Variants in PTPRD observed in about 807,000 individuals in gnomAD.
PTPRD encodes receptor-type tyrosine-protein phosphatase delta.
A neutral mutation model predicts 214.5 loss-of-function variants in PTPRD; 34 were observed. The observed-to-expected ratio is 0.16, with a 90% CI of 0.12 to 0.21. The LOEUF is 0.21. Ranked by LOEUF, PTPRD falls within the 10% of genes least tolerant of loss-of-function variation. The pLI is 1.00. For synonymous variants in PTPRD, 1,128 were observed against 845.7 expected (o/e 1.33, Z -5.79); for missense variants, 2,545 against 2,398.7 (o/e 1.06, Z -1.27).
At chr9:10,463,050 G>A (rs1465081190) in intron 2 of PTPRD, among the ~76,000 whole-genome samples, 2 of 151,116 alleles carry the variant, frequency 1.3e-5, no homozygotes, top group Non-Finnish European at 2.9e-5. Flanking sequence ...CACAAATGAT[G>A]TTTTTCTGTT....
At chr9:9,076,325 C>T (rs1203890516) in intron 10 of PTPRD, among the ~76,000 whole-genome samples, 3 of 152,026 alleles carry the variant, frequency 2.0e-5, no homozygotes. Flanking sequence ...CAAAAATTTT[C>T]CCCCGTTCTG....
intron 7 of PTPRD, among the ~76,000 whole-genome samples, chr9:9,675,517 G>T (rs1203704811): frequency 6.6e-6 from 1 of 151,704 alleles, no homozygotes; most frequent in Non-Finnish European, 1.5e-5. Flanking sequence ...GATTTTAAAA[G>T]AGACTACAAA....
chr9:9,953,716 T>C (rs1301056963), intron 4 of PTPRD, among the ~76,000 whole-genome samples: 1 of 152,298 alleles, frequency 6.6e-6, no homozygotes, highest in East Asian at 1.9e-4. Flanking sequence ...TAACCACTGC[T>C]GAAGCAACCG....
chr9:9,178,643 G>C (rs2099926351), intron 10 of PTPRD, among the ~76,000 whole-genome samples: 1 of 151,974 alleles, frequency 6.6e-6, no homozygotes, highest in Non-Finnish European at 1.5e-5. Context: ...TAGGCTTTTA[G>C]AGCTGAAAAG....
intron 7 of PTPRD, among the ~76,000 whole-genome samples, chr9:9,592,764 G>A (rs980698337): frequency 1.3e-5 from 2 of 152,088 alleles, no homozygotes; most frequent in African/African-American, 4.8e-5. Flanking sequence ...TTATATGGCT[G>A]TAGGGCATGG....
rs145230572 is a variant in PTPRD, at chr9:8,859,515, C to T, written c.-103-125569G>A. 5.6e-3 allele frequency among the ~76,000 whole-genome samples: 854 copies of T among 152,348 alleles called. 4 individuals carry two copies. The highest frequency in any genetic ancestry group is 0.01 in the Non-Finnish European group (698 of 68,040). On this transcript the variant is annotated intron_variant, in intron 11 of 45. Coordinates refer to ENST00000381196, the MANE Select transcript of PTPRD (RefSeq NM_002839.4). ...AAAGCTAGAGCTCACCAGCCACCTC[C>T]ATTGCTCATTCTGTGTTCAGGCCAG...
intron 2 of PTPRD, among the ~76,000 whole-genome samples, chr9:10,586,898 A>T (rs568632929): frequency 6.6e-6 from 1 of 152,012 alleles, no homozygotes; most frequent in South Asian, 2.1e-4. Context: ...CAAAGTATTT[A>T]ATCAACACAC....
intron 5 of PTPRD, among the ~76,000 whole-genome samples, chr9:9,807,430 T>G (rs549503529): frequency 5.9e-5 from 9 of 152,186 alleles, no homozygotes; most frequent in Non-Finnish European, 8.8e-5. Flanking sequence ...TCAAACAAGA[T>G]GCGATGTTGG....
intron 5 of PTPRD, among the ~76,000 whole-genome samples, chr9:9,876,045 A>G (rs1048012955): frequency 5.3e-5 from 8 of 152,028 alleles, no homozygotes; most frequent in Admixed American, 1.3e-4. Context: ...GGAAGCAAAG[A>G]AGGAAGGAAT....
chr9:9,569,305 G>T (rs1173380768), intron 8 of PTPRD, among the ~76,000 whole-genome samples: 1 of 151,584 alleles, frequency 6.6e-6, no homozygotes, highest in Non-Finnish European at 1.5e-5. Context: ...TTAAAGGGAA[G>T]AACTGAGCCA....
intron 3 of PTPRD, among the ~76,000 whole-genome samples, chr9:10,274,981 G>A (rs964903474): frequency 6.6e-6 from 1 of 152,104 alleles, no homozygotes; most frequent in Non-Finnish European, 1.5e-5. Context: ...CATATATCAT[G>A]TAACTAGGTA....
chr9:9,665,261 T>C lies in PTPRD; in HGVS notation c.-287+69272A>G, dbSNP rs777628637. Among the ~76,000 whole-genome samples, 95 of 151,814 alleles carry C rather than the reference T, an allele frequency of 6.3e-4. 1 individual carries two copies. The highest frequency in any genetic ancestry group is 3.4e-3 in the Middle Eastern group (1 of 294). ...TGGTCCATTTAAAAACCACAAATAA[T>C]TGATGTAAATAGAAACACGGCATAA... is the stretch of plus-strand genomic sequence containing the variant. On this transcript the variant is annotated intron_variant, in intron 7 of 45. Coordinates refer to ENST00000381196, the MANE Select transcript of PTPRD (RefSeq NM_002839.4).
intron 10 of PTPRD, among the ~76,000 whole-genome samples, chr9:9,102,264 T>C (rs1358167033): frequency 6.6e-6 from 1 of 152,310 alleles, no homozygotes; most frequent in East Asian, 1.9e-4. Flanking sequence ...CTGTCATCCA[T>C]ATATGAGGGC....
intron 2 of PTPRD, among the ~76,000 whole-genome samples, chr9:10,503,018 C>G (rs545534062): frequency 1.3e-5 from 2 of 151,866 alleles, no homozygotes; most frequent in South Asian, 4.2e-4. Flanking sequence ...AAACTTTAAT[C>G]ATTGATAATC....
At chr9:10,023,335 T>C (rs2096859359) in intron 4 of PTPRD, among the ~76,000 whole-genome samples, 1 of 152,176 alleles carries the variant, frequency 6.6e-6, no homozygotes, top group Non-Finnish European at 1.5e-5. Flanking sequence ...CCTGGGCCTC[T>C]CCAGCCATGC....
At chr9:10,043,933 T>C (rs2097342687) in intron 3 of PTPRD, among the ~76,000 whole-genome samples, 1 of 151,854 alleles carries the variant, frequency 6.6e-6, no homozygotes, top group Non-Finnish European at 1.5e-5. Flanking sequence ...TATTAACTCT[T>C]CTATTCTGAT....
intron 10 of PTPRD, among the ~76,000 whole-genome samples, chr9:9,158,020 C>T (rs2099882784): frequency 6.6e-6 from 1 of 152,136 alleles, no homozygotes; most frequent in African/African-American, 2.4e-5. Context: ...CTTCCAAGTC[C>T]ATCCATGTCC....
chr9:10,583,096 G>C (rs2072564628), intron 2 of PTPRD, among the ~76,000 whole-genome samples: 1 of 152,210 alleles, frequency 6.6e-6, no homozygotes, highest in African/African-American at 2.4e-5. Flanking sequence ...ACACACAGAG[G>C]TGAAGAGTTG....
intron 25 of PTPRD, among the ~76,000 whole-genome samples, chr9:8,499,269 G>A (rs1051025699): frequency 6.6e-6 from 1 of 152,160 alleles, no homozygotes; most frequent in Non-Finnish European, 1.5e-5. Context: ...TAAGTTGCAA[G>A]TTGTTTTAGC....
Sources: gnomAD v4.1 joint callset for allele counts (sites outside exome capture counted in the v4.1 genomes callset) on GRCh38, gnomAD v4.1.1 for gene constraint, MANE v1.5 for transcripts, NCBI Gene and HGNC (gene_info 2026-07-23, HGNC 2026-07-21) for gene names.